Variants in CCBE1 observed in about 807,000 individuals in gnomAD.
CCBE1 encodes the protein collagen and calcium binding EGF domains 1.
In CCBE1, 37 loss-of-function variants were observed where a neutral mutation model predicts 50.0. The observed-to-expected ratio is 0.74, with a 90% CI of 0.57 to 0.97. CCBE1 has a LOEUF of 0.97. CCBE1 is among the 50% of genes least tolerant of loss of function. The pLI, the probability that CCBE1 is intolerant of heterozygous loss-of-function variation, is 0.00. For missense variants in CCBE1, 538 were observed against 523.8 expected (o/e 1.03, Z -0.26); for synonymous variants, 234 against 203.7 (o/e 1.15, Z -1.27).
chr18:59,678,609 T>C (rs2054541590), intron 2 of CCBE1, among the ~76,000 whole-genome samples: 1 of 152,218 alleles, frequency 6.6e-6, no homozygotes, highest in South Asian at 2.1e-4. Context: ...CTCCGCTCAG[T>C]GCAACCTCTG....
At chr18:59,697,445 C>A, upstream of CCBE1, 1 of 1,460,026 alleles carries the variant, frequency 6.8e-7, no homozygotes. Context: ...CAGGGGGCGC[C>A]GGAGAGCAGG....
intron 2 of CCBE1, among the ~76,000 whole-genome samples, chr18:59,582,857 G>A (rs1160405861): frequency 1.3e-5 from 2 of 152,150 alleles, no homozygotes; most frequent in Non-Finnish European, 2.9e-5. Flanking sequence ...CTGTCACCCA[G>A]GCTGAAGTGC....
chr18:59,697,144 C>T, intron 1 of CCBE1, 68 bp downstream of exon 1: 2 of 1,543,262 alleles, frequency 1.3e-6, no homozygotes, highest in East Asian at 2.5e-5. Context: ...GGGAGGACCG[C>T]CCGCACCCCG....
At chr18:59,647,775 G>A (rs771411243) in intron 2 of CCBE1, among the ~76,000 whole-genome samples, 21 of 152,202 alleles carry the variant, frequency 1.4e-4, no homozygotes, top group Non-Finnish European at 2.8e-4. Flanking sequence ...CAATTGTTTC[G>A]ATGGAATAAA....
At chr18:59,655,052 A>G (rs1354558756) in intron 2 of CCBE1, among the ~76,000 whole-genome samples, 3 of 136,682 alleles carry the variant, frequency 2.2e-5, no homozygotes, top group Non-Finnish European at 4.7e-5. Flanking sequence ...GCACCACTGC[A>G]TTGCAGCCTG....
At chr18:59,444,688 C>A (rs1420487821) in intron 7 of CCBE1, among the ~76,000 whole-genome samples, 2 of 151,992 alleles carry the variant, frequency 1.3e-5, no homozygotes, top group African/African-American at 2.4e-5. Flanking sequence ...TTCTCTTATA[C>A]AGACAGGGTC....
At chr18:59,611,897 C>T (rs2053573992) in intron 2 of CCBE1, among the ~76,000 whole-genome samples, 1 of 152,124 alleles carries the variant, frequency 6.6e-6, no homozygotes. Context: ...ACTGGGAAAA[C>T]AGATGTCCAT....
At chr18:59,487,909 G>A (rs1268562334) in intron 2 of CCBE1, among the ~76,000 whole-genome samples, 1 of 152,224 alleles carries the variant, frequency 6.6e-6, no homozygotes, top group African/African-American at 2.4e-5. Context: ...GGTCATAGCA[G>A]CATTATTCAC....
intron 2 of CCBE1, among the ~76,000 whole-genome samples, chr18:59,673,817 TTG>T (rs1372274116): frequency 1.3e-5 from 2 of 152,210 alleles, no homozygotes; most frequent in Non-Finnish European, 2.9e-5. Context: ...AGATAAGCTT[TTG>T]GATGTGCTGC....
At chr18:59,674,252 A>G (rs527383012) in intron 2 of CCBE1, among the ~76,000 whole-genome samples, 1 of 152,226 alleles carries the variant, frequency 6.6e-6, no homozygotes, top group Admixed American at 6.5e-5. Flanking sequence ...CAGACTGGAT[A>G]AAGAAAAATG....
At chr18:59,566,040 A>G (rs975713833) in intron 2 of CCBE1, among the ~76,000 whole-genome samples, 13 of 152,208 alleles carry the variant, frequency 8.5e-5, no homozygotes, top group African/African-American at 3.1e-4. Context: ...ATTATCTTGC[A>G]TAAGAGAACA....
In CCBE1 at chr18:59,438,164, A is replaced by G; in HGVS notation, c.952-18T>C. 6.2e-7 allele frequency: 1 copy of G among 1,613,992 alleles called. No homozygotes were observed. The highest frequency in any genetic ancestry group is 8.5e-7 in the Non-Finnish European group (1 of 1,179,894). On this transcript the variant is annotated intron_variant, in intron 9 of 10. Transcript: ENST00000439986. Reference sequence around the variant, plus strand: ...CTCTCCCCCTAAAAACAGAAAGGCCAGGGTTAGCTTTCTAGAGCACATGGA... The same window carrying G: ...CTCTCCCCCTAAAAACAGAAAGGCCGGGGTTAGCTTTCTAGAGCACATGGA...
rs79379328 is a variant in CCBE1, at chr18:59,677,373, G to T, written c.212+19256C>A. ...TAGAGCTGCAGACTGTGCTGTGAGT[G>T]GGGGCTGGTCGGGGGTAGAAATCAC... On this transcript the variant is annotated intron_variant, in intron 2 of 10. Coordinates refer to ENST00000439986, the MANE Select transcript of CCBE1 (RefSeq NM_133459.4). Among the ~76,000 whole-genome samples the T allele has an allele frequency of 7.7e-3, 1,173 of 152,298 alleles. 17 individuals carry two copies. The highest frequency in any genetic ancestry group is 0.027 in the African/African-American group (1,122 of 41,550).
intron 3 of CCBE1, among the ~76,000 whole-genome samples, chr18:59,479,959 T>G (rs1912487981): frequency 6.6e-6 from 1 of 152,192 alleles, no homozygotes; most frequent in African/African-American, 2.4e-5. Context: ...AAATACTATA[T>G]AAGAATGACT....
At chr18:59,515,615 G>T (rs1219834441) in intron 2 of CCBE1, among the ~76,000 whole-genome samples, 6 of 152,180 alleles carry the variant, frequency 3.9e-5, no homozygotes, top group Non-Finnish European at 7.3e-5. Context: ...TAATTAAATA[G>T]TAAGAAAAAT....
chr18:59,453,790 G>T (rs540695463), intron 6 of CCBE1, among the ~76,000 whole-genome samples: 18 of 152,242 alleles, frequency 1.2e-4, no homozygotes, highest in African/African-American at 4.3e-4. Flanking sequence ...TCAGTTTAAG[G>T]GTGATTTCTG....
chr18:59,691,228 T>C (rs2054727525), intron 2 of CCBE1, among the ~76,000 whole-genome samples: 1 of 151,752 alleles, frequency 6.6e-6, no homozygotes, highest in South Asian at 2.1e-4. Flanking sequence ...CCTCTGAGGA[T>C]ATAGTCATGA....
intron 2 of CCBE1, among the ~76,000 whole-genome samples, chr18:59,575,689 C>G (rs570232205): frequency 1.1e-3 from 162 of 152,324 alleles, no homozygotes; most frequent in African/African-American, 3.8e-3. Context: ...TTTCCTCAGT[C>G]TTTCTTAACC....
intron 2 of CCBE1, among the ~76,000 whole-genome samples, chr18:59,519,016 T>C (rs1914489108): frequency 6.6e-6 from 1 of 152,196 alleles, no homozygotes; most frequent in African/African-American, 2.4e-5. Flanking sequence ...CTTCCCTGCC[T>C]TGTCTCACTT....
Sources: allele counts gnomAD v4.1 joint callset (sites outside exome capture counted in the v4.1 genomes callset), GRCh38; gene constraint gnomAD v4.1.1; transcripts MANE v1.5; gene names NCBI Gene and HGNC (gene_info 2026-07-23, HGNC 2026-07-21).